Variants in GDPD5 observed in about 807,000 individuals in gnomAD.
The protein encoded by GDPD5 is glycerophosphodiester phosphodiesterase 2.
GDPD5 carries 48 observed loss-of-function variants against 75.1 expected under a neutral mutation model. The ratio of observed to expected loss-of-function variants is 0.64; its 90% CI spans 0.51 to 0.81. The LOEUF (loss-of-function observed/expected upper bound fraction) is 0.81. Among genes scored for constraint, GDPD5 ranks in the 40% least tolerant of loss-of-function variants. GDPD5 has a pLI of 0.00. For synonymous variants in GDPD5, 336 were observed against 339.0 expected (o/e 0.99, Z 0.10); for missense variants, 706 against 822.6 (o/e 0.86, Z 1.73).
At chr11:75,495,608 CA>C (rs1162095938) in intron 1 of GDPD5, among the ~76,000 whole-genome samples, 1 of 152,122 alleles carries the variant, frequency 6.6e-6, no homozygotes, top group African/African-American at 2.4e-5. Context: ...AAACTTTACA[CA>C]ATGTAAATAT....
At position 75,499,281 on chromosome 11, in the gene GDPD5, AC is replaced by A. The variant is rs149700235; in HGVS notation, c.-144-8962del. Among the ~76,000 whole-genome samples, 32 of 149,114 alleles carry A rather than the reference AC, an allele frequency of 2.1e-4. No homozygotes were observed. The East Asian group carries it at 5.3e-3, about 25-fold the overall frequency. On this transcript the variant is annotated intron_variant, in intron 1 of 16. Coordinates refer to ENST00000336898, the MANE Select transcript of GDPD5 (RefSeq NM_030792.8). ...GCACTGACCCCTCCCCTCAGGTCCC[AC>A]CCCTTTGTCCACAGCCATCATCATC... is the stretch of plus-strand genomic sequence containing the variant.
chr11:75,471,524 C>T (rs1479809236), intron 3 of GDPD5, among the ~76,000 whole-genome samples: 1 of 152,184 alleles, frequency 6.6e-6, no homozygotes. Flanking sequence ...CTCTCCCAGC[C>T]TATCCCTTGG....
intron 1 of GDPD5, among the ~76,000 whole-genome samples, chr11:75,500,708 C>T (rs1169837515): frequency 2.6e-5 from 4 of 152,192 alleles, no homozygotes; most frequent in African/African-American, 4.8e-5. Flanking sequence ...CCACAGTGGC[C>T]AAATGGGAAC....
chr11:75,483,929 G>A (rs1949970946), intron 2 of GDPD5, among the ~76,000 whole-genome samples: 1 of 152,220 alleles, frequency 6.6e-6, no homozygotes, highest in African/African-American at 2.4e-5. Flanking sequence ...GCTCACACCT[G>A]TAATCCCAGC....
chr11:75,499,387 TCTTTTC>T (rs1335076751), intron 1 of GDPD5, among the ~76,000 whole-genome samples: 11 of 34,952 alleles, frequency 3.1e-4, no homozygotes, highest in Non-Finnish European at 9.4e-4. Flanking sequence ...TCTTTCTTCT[TCTTTTC>T]CTTTTTTTTT....
At chr11:75,443,420 T>C in intron 10 of GDPD5, 134 bp from the exon 11 acceptor site, 1 of 1,012,040 alleles carries the variant, frequency 9.9e-7, no homozygotes, top group South Asian at 1.6e-5. Flanking sequence ...TGGGCCTCAG[T>C]CTCCCCATCT....
chr11:75,486,609 A>G (rs1950025460), intron 2 of GDPD5, among the ~76,000 whole-genome samples: 1 of 152,130 alleles, frequency 6.6e-6, no homozygotes, highest in African/African-American at 2.4e-5. Flanking sequence ...CACTTCATCC[A>G]TCCCTGCTCC....
chr11:75,512,854 G>A (rs1950555974), intron 1 of GDPD5, among the ~76,000 whole-genome samples: 1 of 152,204 alleles, frequency 6.6e-6, no homozygotes, highest in Non-Finnish European at 1.5e-5. Flanking sequence ...GGCAGAGGTT[G>A]CAGCCTGGGC....
intron 1 of GDPD5, among the ~76,000 whole-genome samples, chr11:75,499,572 C>T (rs1840507725): frequency 6.6e-6 from 1 of 152,140 alleles, no homozygotes; most frequent in South Asian, 2.1e-4. Flanking sequence ...AAATCATCTT[C>T]ATGAAAACAA....
At chr11:75,458,926 A>G (rs1208711811) in intron 4 of GDPD5, among the ~76,000 whole-genome samples, 1 of 151,670 alleles carries the variant, frequency 6.6e-6, no homozygotes, top group Admixed American at 6.6e-5. Context: ...ACCCACCAAA[A>G]TATCGGGCTA....
At chr11:75,464,040 C>A (rs1329271284) in intron 3 of GDPD5, among the ~76,000 whole-genome samples, 2 of 152,242 alleles carry the variant, frequency 1.3e-5, no homozygotes, top group African/African-American at 2.4e-5. Flanking sequence ...ACTGTGTCCC[C>A]CAGACAAGTG....
intron 3 of GDPD5, among the ~76,000 whole-genome samples, chr11:75,470,975 G>A (rs1039888735): frequency 7.2e-5 from 11 of 152,298 alleles, no homozygotes; most frequent in Admixed American, 6.5e-4. Context: ...TCTCCCCAGT[G>A]GTTCCAGCTC....
intron 2 of GDPD5, among the ~76,000 whole-genome samples, chr11:75,482,338 T>C (rs1010604731): frequency 6.6e-6 from 1 of 152,060 alleles, no homozygotes; most frequent in African/African-American, 2.4e-5. Context: ...TTCTGTATGC[T>C]CTCCTGGCTG....
In GDPD5 at chr11:75,473,699, C is replaced by A. The variant is rs73494881; in HGVS notation, c.117+3920G>T. On this transcript the variant is annotated intron_variant, in intron 3 of 16. Transcript: ENST00000336898. ...CTCAGGCCCACTGAGCAGCACCCTT[C>A]CCCGTCCCTGCACCTGAGCCGGTGG... Among the ~76,000 whole-genome samples the A allele has an allele frequency of 3.5e-3, 530 of 152,302 alleles. 4 individuals are homozygous for A. Among genetic ancestry groups the A allele is most frequent in the African/African-American group, 0.012 (487 of 41,546 alleles).
At chr11:75,478,570 A>C (rs1422059740) in intron 2 of GDPD5, among the ~76,000 whole-genome samples, 1 of 152,086 alleles carries the variant, frequency 6.6e-6, no homozygotes, top group Non-Finnish European at 1.5e-5. Flanking sequence ...CTTAAATATA[A>C]CTTGCTTATT....
At chr11:75,464,781 A>G (rs975853677) in intron 3 of GDPD5, among the ~76,000 whole-genome samples, 1 of 152,140 alleles carries the variant, frequency 6.6e-6, no homozygotes, top group Non-Finnish European at 1.5e-5. Context: ...CAGGCACAGC[A>G]AAGCCCAGCC....
At chr11:75,468,003 G>A (rs979216201) in intron 3 of GDPD5, among the ~76,000 whole-genome samples, 11 of 152,120 alleles carry the variant, frequency 7.2e-5, no homozygotes. Flanking sequence ...AGCAGCGGGG[G>A]CTCATACAGT....
intron 1 of GDPD5, among the ~76,000 whole-genome samples, chr11:75,523,858 CCT>C (rs371184155): frequency 9.3e-4 from 141 of 152,356 alleles, no homozygotes; most frequent in African/African-American, 3.3e-3. Flanking sequence ...CTTCCACAGA[CCT>C]CTCACCACGC....
chr11:75,495,840 G>A (rs935368028), intron 1 of GDPD5, among the ~76,000 whole-genome samples: 1 of 152,136 alleles, frequency 6.6e-6, no homozygotes, highest in Admixed American at 6.5e-5. Context: ...CATGTTGTGG[G>A]GCCTAGACCC....
Sources: gnomAD v4.1 joint callset for allele counts (sites outside exome capture counted in the v4.1 genomes callset) on GRCh38, gnomAD v4.1.1 for gene constraint, MANE v1.5 for transcripts, NCBI Gene and HGNC (gene_info 2026-07-23, HGNC 2026-07-21) for gene names.